SEC24B: variants seen among roughly 807,000 people sequenced by gnomAD.
The protein encoded by SEC24B is SEC24 homolog B, COPII component, also known as protein transport protein Sec24B.
In SEC24B, 45 loss-of-function variants were observed where a neutral mutation model predicts 142.8. The observed-to-expected ratio is 0.32, with a 90% confidence interval of 0.25 to 0.40. The LOEUF (loss-of-function observed/expected upper bound fraction) is 0.40. SEC24B is among the 10% of genes least tolerant of loss of function. The pLI is 1.00. For missense variants in SEC24B, 1,409 were observed against 1,526.8 expected (o/e 0.92, Z 1.29); for synonymous variants, 574 against 568.2 (o/e 1.01, Z -0.15).
chr4:109,435,150 A>G (rs956346117), intron 1 of SEC24B, among the ~76,000 whole-genome samples: 2 of 152,220 alleles, frequency 1.3e-5, no homozygotes, highest in Admixed American at 1.3e-4. Context: ...TCTAAGTTTT[A>G]CAACTGATGC....
chr4:109,466,558 C>A (rs1731897194), intron 2 of SEC24B, among the ~76,000 whole-genome samples: 1 of 152,142 alleles, frequency 6.6e-6, no homozygotes, highest in African/African-American at 2.4e-5. Context: ...CTAGCGGCAC[C>A]CGCCACCACA....
At chr4:109,449,980 C>T (rs1163278138) in intron 1 of SEC24B, among the ~76,000 whole-genome samples, 1 of 151,662 alleles carries the variant, frequency 6.6e-6, no homozygotes, top group South Asian at 2.1e-4. Context: ...TTTGGGAGGC[C>T]GAAGCAGGAA....
At chr4:109,467,092 C>A (rs1434371598) in intron 2 of SEC24B, among the ~76,000 whole-genome samples, 1 of 151,616 alleles carries the variant, frequency 6.6e-6, no homozygotes, top group African/African-American at 2.4e-5. Flanking sequence ...TTTGGGAGGC[C>A]GAGGCGGGCG....
intron 18 of SEC24B, among the ~76,000 whole-genome samples, chr4:109,529,350 T>C (rs1472263215): frequency 6.6e-6 from 1 of 152,184 alleles, no homozygotes; most frequent in Non-Finnish European, 1.5e-5. Context: ...TTTTTAAGTA[T>C]AATTTTATAT....
At chr4:109,524,358 C>T (rs545262778) in intron 14 of SEC24B, among the ~76,000 whole-genome samples, 2 of 152,172 alleles carry the variant, frequency 1.3e-5, no homozygotes, top group African/African-American at 4.8e-5. Flanking sequence ...CCAGTGTCAC[C>T]TTCTCAGCTC....
intron 4 of SEC24B, among the ~76,000 whole-genome samples, chr4:109,486,889 G>A (rs1001730766): frequency 7.2e-5 from 11 of 152,284 alleles, no homozygotes; most frequent in Non-Finnish European, 1.5e-4. Flanking sequence ...GTGTAAGCAG[G>A]CGCGGTGGCT....
At chr4:109,463,898 A>C (rs1384328020) in intron 2 of SEC24B, among the ~76,000 whole-genome samples, 1 of 152,176 alleles carries the variant, frequency 6.6e-6, no homozygotes, top group African/African-American at 2.4e-5. Flanking sequence ...TATTTTATAC[A>C]TCTGCAATAG....
At chr4:109,464,900 C>T (rs539506034) in intron 2 of SEC24B, among the ~76,000 whole-genome samples, 1 of 152,302 alleles carries the variant, frequency 6.6e-6, no homozygotes, top group Admixed American at 6.5e-5. Context: ...CCTCACATCA[C>T]AAGTCTAGGT....
In SEC24B at chr4:109,520,380, C is replaced by T; in HGVS notation, c.2141C>T (p.Ser714Leu). ...LENLDKLPGDSRTRIGFMTFD... is the reference protein window; with the variant it reads ...LENLDKLPGDLRTRIGFMTFD... ...TTTATCTTTAGGCTTCCTGGAGATT[C>T]ACGAACAAGAATAGGATTCATGACC... Residue 714 changes from serine to leucine, a missense_variant, in exon 12 of 24, where the codon TCA becomes TTA. Around this residue, in one of 2 missense-constraint regions of SEC24B, gnomAD observed 700 missense variants for 853.3 expected, o/e 0.82. Transcript: ENST00000265175. 1 of 1,603,680 alleles carries T rather than the reference C, an allele frequency of 6.2e-7. No individual in the cohort carries two copies.
intron 21 of SEC24B, among the ~76,000 whole-genome samples, chr4:109,532,946 T>A (rs1725092495): frequency 6.6e-6 from 1 of 152,234 alleles, no homozygotes; most frequent in African/African-American, 2.4e-5. Flanking sequence ...TTATTGATAT[T>A]TGTATTGATA....
intron 3 of SEC24B, among the ~76,000 whole-genome samples, chr4:109,478,806 G>A (rs973251792): frequency 2.6e-5 from 4 of 152,284 alleles, no homozygotes; most frequent in Non-Finnish European, 4.4e-5. Flanking sequence ...TCATTAACAC[G>A]GGCACTTTTT....
chr4:109,458,253 C>T (rs1393144774), intron 1 of SEC24B, among the ~76,000 whole-genome samples: 1 of 152,134 alleles, frequency 6.6e-6, no homozygotes, highest in Admixed American at 6.6e-5. Flanking sequence ...TTTCATTTCT[C>T]TCGATATCCC....
intron 2 of SEC24B, among the ~76,000 whole-genome samples, chr4:109,464,138 T>G (rs1328792238): frequency 6.6e-6 from 1 of 152,178 alleles, no homozygotes; most frequent in East Asian, 1.9e-4. Context: ...TAAACAGTGT[T>G]TCTCATTTTC....
At chr4:109,538,831 C>T (rs1725846129) in intron 23 of SEC24B, among the ~76,000 whole-genome samples, 1 of 152,110 alleles carries the variant, frequency 6.6e-6, no homozygotes, top group Admixed American at 6.5e-5. Context: ...ACTCAGGCTG[C>T]AGTGCAGGGG....
In SEC24B at chr4:109,540,579, A is replaced by G. The variant is rs527343290; in HGVS notation, c.*904A>G. On this transcript the variant is annotated 3_prime_UTR_variant, in exon 24 of 24. Coordinates refer to ENST00000265175, the MANE Select transcript of SEC24B (RefSeq NM_006323.5). ...GGGAAGTGCAGTGATACTGCATTTC[A>G]GTTAGTAATATATATGAATCAGGCC... 3 of 152,256 alleles carry G rather than the reference A, an allele frequency of 2.0e-5. No homozygotes were observed. The South Asian group carries it at 6.2e-4, about 32-fold the overall frequency. The allele number at this position is 152,256 out of a possible 1,614,324, so 9.4% of individuals were successfully genotyped here.
At chr4:109,489,426 A>C (rs949973251) in intron 4 of SEC24B, among the ~76,000 whole-genome samples, 2 of 151,696 alleles carry the variant, frequency 1.3e-5, no homozygotes, top group African/African-American at 4.8e-5. Context: ...AACTGTTTTA[A>C]ATTGTATAAT....
At chr4:109,522,400 T>G (rs1484401714) in intron 14 of SEC24B, among the ~76,000 whole-genome samples, 1 of 152,210 alleles carries the variant, frequency 6.6e-6, no homozygotes, top group Non-Finnish European at 1.5e-5. Context: ...CAGTATGTTC[T>G]TTTTATACTT....
intron 22 of SEC24B, among the ~76,000 whole-genome samples, chr4:109,537,579 C>T (rs756960368): frequency 2.4e-4 from 36 of 152,162 alleles, no homozygotes; most frequent in Non-Finnish European, 3.8e-4. Context: ...GAGTTCAAAG[C>T]TGTAGTGTAC....
In SEC24B at chr4:109,462,994, G is replaced by A. The variant is rs765778370; in HGVS notation, c.227G>A (p.Gly76Glu). The A allele has an allele frequency of 4.3e-6, 7 of 1,613,948 alleles. No individual in the cohort carries two copies. In the South Asian group the frequency reaches 6.6e-5, roughly 15 times the overall value. ...TCAGGACATTACTCTCAAGGACCTG[G>A]GAAAATGACCTCATTGCCATTGGAT... is the stretch of plus-strand genomic sequence containing the variant. ...APSGHYSQGP[G>E]KMTSLPLDTQ... The change falls in exon 2 of 24, where the codon GGG becomes GAG. Residue 76 changes from glycine to glutamate, a missense_variant. Gly to Glu is a moderately conservative substitution (Grantham distance 98, BLOSUM62 -2). Transcript: ENST00000265175.
Sources: allele counts gnomAD v4.1 joint callset (sites outside exome capture counted in the v4.1 genomes callset), GRCh38; gene constraint gnomAD v4.1.1; regional missense constraint gnomAD v4.1.1; transcripts MANE v1.5; gene names NCBI Gene and HGNC (gene_info 2026-07-23, HGNC 2026-07-21).